The following SNED1 variants were observed in gnomAD, a reference collection of about 807,000 sequenced individuals.
SNED1 encodes sushi, nidogen and EGF-like domain-containing protein 1.
In SNED1, 81 loss-of-function variants were observed where a neutral mutation model predicts 166.7. The observed-to-expected ratio is 0.49, with a 90% CI of 0.41 to 0.58. The LOEUF (loss-of-function observed/expected upper bound fraction) is 0.58, where lower values mean the gene tolerates loss of function less well. Among genes scored for constraint, SNED1 ranks in the 20% least tolerant of loss-of-function variants. The probability of loss-of-function intolerance (pLI) is 0.00; values close to 1 mark genes in which losing one functional copy is unlikely to be tolerated. For missense variants in SNED1, 1,604 were observed against 2,000.2 expected, an observed-to-expected ratio of 0.80 and a Z score of 3.78; for synonymous variants, 762 against 822.0, an observed-to-expected ratio of 0.93 and a Z score of 1.25.
At chr2:241,040,048 C>T (rs1225613616) in intron 6 of SNED1, 27 bp from the exon 7 acceptor site, 14 of 1,518,838 alleles carry the variant, frequency 9.2e-6, no homozygotes, top group Non-Finnish European at 1.3e-5. Context: ...GGGAGTCCAT[C>T]GTCCTGTCTA....
intron 18 of SNED1, 146 bp downstream of exon 18, chr2:241,063,846 G>A (rs2062324515): frequency 2.6e-6 from 2 of 768,050 alleles, no homozygotes; most frequent in African/African-American, 3.5e-5. Flanking sequence ...GGAGGGAGGG[G>A]TGGAGGTGAG....
chr2:241,064,152 C>T lies in SNED1; in HGVS notation c.2599+27C>T, dbSNP rs745550994. ...TAGGGCGGCAGGCCTGCCTGCTCCC[C>T]GCCCTCTGCCCGCCTGCTCCCCGCC... On this transcript the variant is annotated intron_variant, in intron 19 of 31. Coordinates refer to ENST00000310397, the MANE Select transcript of SNED1 (RefSeq NM_001080437.3). The surrounding 1 kb of genome is among the most constrained non-coding windows in gnomAD (Gnocchi z 7.0). The T allele has an allele frequency of 2.2e-5, 32 of 1,430,604 alleles. 1 individual carries two copies. The highest frequency in any genetic ancestry group is 1.0e-4 in the Admixed American group (5 of 48,842). The allele number at this position is 1,430,604 out of a possible 1,614,324, so 88.6% of individuals were successfully genotyped here.
intron 14 of SNED1, 31 bp downstream of exon 14, chr2:241,052,188 G>A (rs760449778): frequency 1.9e-6 from 3 of 1,583,006 alleles, no homozygotes; most frequent in South Asian, 1.1e-5. Context: ...GGCCAGGGCG[G>A]CCAGGGGTGA....
intron 31 of SNED1, chr2:241,090,002 C>T (rs1264437895): frequency 2.6e-6 from 4 of 1,548,980 alleles, no homozygotes; most frequent in Non-Finnish European, 3.5e-6. Flanking sequence ...CTTAGCGTAG[C>T]TGGAATGCGC....
rs1319955287 is a variant in SNED1 at position 241,048,308 on chromosome 2, C to T, written c.1274-7C>T. 5 of 1,592,408 alleles carry T rather than the reference C, an allele frequency of 3.1e-6. No individual in the cohort carries two copies. The Admixed American group carries it at 9.0e-5, about 29-fold the overall frequency. ...GTGGCCGCTGGTGACTGCCGTCTTT[C>T]TTGCAGGAGACCATCCAGTGCCAGA... On this transcript the variant is annotated splice_region_variant and splice_polypyrimidine_tract_variant and intron_variant, in intron 8 of 31. Transcript: ENST00000310397.
chr2:241,051,680 T>C lies in SNED1; in HGVS notation c.1736-64T>C. ...GAGGACTGAGGAGATGCCAGGAGGG[T>C]ATAGTGGCTCTGTGGGGCCAGCAGC... On this transcript the variant is annotated intron_variant, in intron 12 of 31. Transcript: ENST00000310397. The surrounding 1 kb of genome is among the most constrained non-coding windows in gnomAD (Gnocchi z 4.7). 1.6e-6 allele frequency: 2 copies of C among 1,259,800 alleles called. No homozygotes were observed. Among genetic ancestry groups the C allele is most frequent in the Non-Finnish European group, 1.1e-6 (1 of 935,046 alleles). 78.0% of individuals were successfully genotyped at this position (1,259,800 alleles called of 1,614,324 possible).
rs1248091865 is a variant in SNED1 at position 241,068,157 on chromosome 2, A to T, written c.3194+210A>T. ...ACCTCATCAGGGCTGCCAAGAGAGG[A>T]TACACCTTGGTAGTGTTTTAAAGTG... On this transcript the variant is annotated intron_variant, in intron 22 of 31. Transcript: ENST00000310397. This position sits in a 1 kb window ranked among gnomAD's most constrained non-coding sequence, Gnocchi z 5.3. Among the ~76,000 whole-genome samples the T allele has an allele frequency of 6.6e-6, 1 of 152,144 alleles. No individual in the cohort carries two copies. Among genetic ancestry groups the T allele is most frequent in the Non-Finnish European group, 1.5e-5 (1 of 68,028 alleles).
chr2:241,061,231 G>A (rs79100040), intron 16 of SNED1, among the ~76,000 whole-genome samples: 8,987 of 152,180 alleles, frequency 0.059, 376 homozygotes, highest in Non-Finnish European at 0.093. Context: ...GCATTTCATG[G>A]AAGAAGAGAT....
chr2:241,069,005 C>T lies in SNED1; in HGVS notation c.3289C>T (p.Pro1097Ser), dbSNP rs1046281381. ...CCCCACAGAGAGCCTGGCCACCGCG[C>T]CGACGCACGTGTGGACCCGTGAGTA... is the stretch of plus-strand genomic sequence containing the variant. The part of the protein sequence containing the change: ...EHPTESLATA[P>S]THVWTRPLPP... The change falls in exon 23 of 32, where the codon CCG (proline) becomes TCG (serine). Residue 1097 changes from proline (P) to serine (S), a missense_variant. This residue lies in a region of SNED1 where 1,237 missense variants were observed against 1,620.8 expected (regional missense o/e 0.76). Coordinates refer to ENST00000310397, the MANE Select transcript of SNED1 (RefSeq NM_001080437.3). The surrounding 1 kb of genome is among the most constrained non-coding windows in gnomAD (Gnocchi z 4.9). 24 of 1,552,218 alleles carry T rather than the reference C, an allele frequency of 1.5e-5. No homozygotes were observed. The highest frequency in any genetic ancestry group is 2.0e-5 in the Non-Finnish European group (23 of 1,148,036).
At position 241,053,254 on chromosome 2, in the gene SNED1, A is replaced by C. The variant is rs758092917; in HGVS notation, c.2185A>C (p.Ser729Arg). 6.2e-7 allele frequency: 1 copy of C among 1,606,236 alleles called. No individual in the cohort carries two copies. The highest frequency in any genetic ancestry group is 2.2e-5 in the East Asian group (1 of 44,800). The change falls in exon 16 of 32, where the codon AGC (serine) becomes CGC (arginine). Residue 729 changes from serine (S) to arginine (R), a missense_variant. Physicochemically the swap from Ser to Arg is moderately radical, Grantham distance 110. Coordinates refer to ENST00000310397, the MANE Select transcript of SNED1 (RefSeq NM_001080437.3). The stretch of plus-strand genomic sequence containing the variant: ...CCTGTATGCATGTGACCGTGGCTAC[A>C]GCCTGAGCGCCCCCAGCCGCATCCG... Reference protein sequence around the residue: ...VALYACDRGYSLSAPSRIRVC... With the variant: ...VALYACDRGYRLSAPSRIRVC...
At position 241,052,431 on chromosome 2, in the gene SNED1, C is replaced by T; in HGVS notation, c.2046C>T (p.His682=). 1.2e-6 allele frequency: 2 copies of T among 1,608,690 alleles called. No homozygotes were observed. Among genetic ancestry groups the T allele is most frequent in the Non-Finnish European group, 1.7e-6 (2 of 1,177,602 alleles). ...ACCGGGACACGGATTTCTTCTGCCA[C>T]TGCCAAGCAGGGTACATGGGACGCC... ...CEDRDTDFFC[H]CQAGYMGRRC... Residue 682 remains histidine, a synonymous_variant, in exon 15 of 32, where the codon CAC becomes CAT. Transcript: ENST00000310397.
At chr2:241,052,757 CCAAGCAGGGTACA>C (rs1574997827) in intron 15 of SNED1, among the ~76,000 whole-genome samples, 1 of 105,590 alleles carries the variant, frequency 9.5e-6, no homozygotes, top group Non-Finnish European at 1.8e-5. Flanking sequence ...GGCCGGGGGG[CCAAGCAGGGTACA>C]TGGGATGCTG....
chr2:241,021,244 A>G (rs1305284812), intron 1 of SNED1, among the ~76,000 whole-genome samples: 1 of 152,192 alleles, frequency 6.6e-6, no homozygotes, highest in Non-Finnish European at 1.5e-5. Flanking sequence ...ACATCCAGAG[A>G]GGGTCCAGGC....
At chr2:241,045,190 G>A (rs1284912145) in intron 8 of SNED1, among the ~76,000 whole-genome samples, 1 of 152,160 alleles carries the variant, frequency 6.6e-6, no homozygotes, top group Non-Finnish European at 1.5e-5. Flanking sequence ...CCATGTTCAT[G>A]GATTAGAAGA....
chr2:241,005,115 T>G (rs541447614), intron 1 of SNED1, among the ~76,000 whole-genome samples: 61 of 152,262 alleles, frequency 4.0e-4, no homozygotes, highest in Middle Eastern at 3.4e-3. Context: ...ATTTCCAGTC[T>G]TCTTCATTTC....
intron 29 of SNED1, chr2:241,087,124 CCATAT>C (rs2063622334): frequency 2.4e-6 from 1 of 409,940 alleles, no homozygotes; most frequent in South Asian, 5.4e-5. Context: ...ATTTTTAGTA[CCATAT>C]CCTTTGTCAG....
chr2:241,063,317 C>T (rs1470802702), intron 17 of SNED1: 38 of 527,078 alleles, frequency 7.2e-5, no homozygotes, highest in Non-Finnish European at 1.1e-4. Flanking sequence ...GAGCCGTGCC[C>T]AGTCGTGGCC....
chr2:241,053,464 C>T (rs1171463120), intron 16 of SNED1, 138 bp downstream of exon 16: 10 of 856,740 alleles, frequency 1.2e-5, no homozygotes, highest in Non-Finnish European at 1.8e-5. Context: ...TCCCCTCAGT[C>T]TCCTGTCTGT....
rs1450466486 is a variant in SNED1, at chr2:241,068,590, G to T, written c.3195-321G>T. 6.6e-6 allele frequency among the ~76,000 whole-genome samples: 1 copy of T among 152,036 alleles called. No homozygotes were observed. Among genetic ancestry groups the T allele is most frequent in the Non-Finnish European group, 1.5e-5 (1 of 68,006 alleles). On this transcript the variant is annotated intron_variant, in intron 22 of 31. Coordinates refer to ENST00000310397, the MANE Select transcript of SNED1 (RefSeq NM_001080437.3). The surrounding 1 kb of genome is among the most constrained non-coding windows in gnomAD (Gnocchi z 5.3). Reference sequence around the variant, plus strand: ...TTACATCAACTCACCTGTGCTGAGGGCCCGTCCCCCATCCCTGCACAGTGA... The same window carrying T: ...TTACATCAACTCACCTGTGCTGAGGTCCCGTCCCCCATCCCTGCACAGTGA...
Sources: allele counts gnomAD v4.1 joint callset (sites outside exome capture counted in the v4.1 genomes callset), GRCh38; gene constraint gnomAD v4.1.1; regional missense constraint gnomAD v4.1.1; non-coding constraint Gnocchi (gnomAD v3.1); transcripts MANE v1.5; gene names NCBI Gene and HGNC (gene_info 2026-07-23, HGNC 2026-07-21).